GSTZ1: variants seen among roughly 807,000 people sequenced by gnomAD.
GSTZ1 encodes maleylacetoacetate isomerase.
In GSTZ1, 34 loss-of-function variants were observed where a neutral mutation model predicts 35.9. That is an observed-to-expected ratio of 0.95 (90% CI 0.72 to 1.26). The LOEUF is 1.26. GSTZ1 is among the 50% of genes most tolerant of loss of function. GSTZ1 has a pLI of 0.00. For missense variants in GSTZ1, 263 were observed against 271.7 expected, an observed-to-expected ratio of 0.97 and a Z score of 0.23; for synonymous variants, 93 against 101.2, an observed-to-expected ratio of 0.92 and a Z score of 0.49.
intron 5 of GSTZ1, 180 bp downstream of exon 5, chr14:77,328,217 C>A (rs960674002): frequency 4.6e-6 from 3 of 647,446 alleles, no homozygotes; most frequent in South Asian, 3.8e-5. Context: ...ATTCAGCCCC[C>A]CAGCGGGTCC....
intron 3 of GSTZ1, chr14:77,327,175 C>T: frequency 1.7e-6 from 1 of 593,872 alleles, no homozygotes; most frequent in South Asian, 2.0e-5. Context: ...TGGGTCCCCA[C>T]CCCATACTGG....
chr14:77,321,660 G>C (rs1038277032), intron 1 of GSTZ1: 1 of 443,294 alleles, frequency 2.3e-6, no homozygotes, highest in Non-Finnish European at 3.6e-6. Context: ...GAGGCGGGCG[G>C]ATCACAAGGT....
chr14:77,324,725 CAGAG>C, intron 1 of GSTZ1, 141 bp from the exon 2 acceptor site: 1 of 1,152,594 alleles, frequency 8.7e-7, no homozygotes, highest in African/African-American at 1.5e-5. Flanking sequence ...ATGAGCCTCT[CAGAG>C]AGCTTGGAGT....
In GSTZ1 at chr14:77,329,173, C is replaced by A. The variant is rs751418985; in HGVS notation, c.393C>A (p.Ala131=). The change falls in exon 6 of 9, where the codon GCC becomes GCA. Residue 131 remains alanine (A), a synonymous_variant. Transcript: ENST00000216465. ...GAGAGGAGATGCAGCTGACCTGGGC[C>A]CAGAACGCCATCACTTGTGGCTTTA... The part of the protein sequence containing the change: ...QVGEEMQLTW[A]QNAITCGFNA... 5.6e-6 allele frequency: 9 copies of A among 1,612,140 alleles called. No homozygotes were observed. In the South Asian group the frequency reaches 8.8e-5, roughly 16 times the overall value.
In GSTZ1 at chr14:77,324,605, A is replaced by G. The variant is rs1220965354; in HGVS notation, c.16-265A>G. ...GGAGGCTGAGGGTCACCACGATACC[A>G]TGACAGAGTCTGGCAAGGTATGGAA... is the stretch of plus-strand genomic sequence containing the variant. On this transcript the variant is annotated intron_variant, in intron 1 of 8. Coordinates refer to ENST00000216465, the MANE Select transcript of GSTZ1 (RefSeq NM_145870.3). The G allele has an allele frequency of 1.1e-4, 164 of 1,533,108 alleles. 1 individual carries two copies. The highest frequency in any genetic ancestry group is 1.4e-4 in the Non-Finnish European group (161 of 1,144,346). The allele number at this position is 1,533,108 out of a possible 1,614,324, so 95.0% of individuals were successfully genotyped here.
At chr14:77,324,724 T>A in intron 1 of GSTZ1, 146 bp from the exon 2 acceptor site, 12 of 1,149,142 alleles carry the variant, frequency 1.0e-5, no homozygotes, top group Non-Finnish European at 1.5e-5. Context: ...CATGAGCCTC[T>A]CAGAGAGCTT....
Position 77,329,779 on chromosome 14 carries a change from C to A in GSTZ1, c.446C>A (p.Thr149Lys). 1 of 1,613,914 alleles carries A rather than the reference C, an allele frequency of 6.2e-7. No homozygotes were observed. The highest frequency in any genetic ancestry group is 8.5e-7 in the Non-Finnish European group (1 of 1,179,762). ...GCCCTGGAGCAGATCCTACAGAGCA[C>A]AGCGGGCATATACTGTGTAGGAGAC... ...FNALEQILQS[T>K]AGIYCVGDEV... Residue 149 changes from threonine to lysine, a missense_variant, in exon 7 of 9, where the codon ACA (threonine) becomes AAA (lysine). Physicochemically the swap from Thr to Lys is moderately conservative, Grantham distance 78. Coordinates refer to ENST00000216465, the MANE Select transcript of GSTZ1 (RefSeq NM_145870.3).
At position 77,321,248 on chromosome 14, in the gene GSTZ1, T is replaced by C. The variant is rs1210882406; in HGVS notation, c.15+65T>C. On this transcript the variant is annotated intron_variant, in intron 1 of 8. Transcript: ENST00000216465. ...CACCTGGAGACCCTGGGGGGCGGGG[T>C]CAGAAGTGAGCTGCACCGCCCGCCC... 6 of 1,532,824 alleles carry C rather than the reference T, an allele frequency of 3.9e-6. No individual in the cohort carries two copies. The East Asian group carries it at 1.2e-4, about 32-fold the overall frequency. 95.0% of individuals were successfully genotyped at this position (1,532,824 alleles called of 1,614,324 possible). A position where few individuals can be genotyped will look rare whatever the true frequency, so the allele number is the denominator to read the frequency against.
At chr14:77,327,763 A>G in intron 4 of GSTZ1, 149 bp from the exon 5 acceptor site, 2 of 792,348 alleles carry the variant, frequency 2.5e-6, no homozygotes, top group Non-Finnish European at 2.1e-6. Context: ...AGGTCCAAAA[A>G]GGCTTATAGG....
At chr14:77,322,715 T>C (rs1270095444) in intron 1 of GSTZ1, 2 of 985,470 alleles carry the variant, frequency 2.0e-6, no homozygotes, top group Non-Finnish European at 2.4e-6. Flanking sequence ...AGGACCATCT[T>C]TACTTTCTCC....
intron 1 of GSTZ1, 44 bp downstream of exon 1, chr14:77,321,227 T>C (rs1692462461): frequency 5.0e-5 from 76 of 1,531,712 alleles, no homozygotes; most frequent in Non-Finnish European, 6.5e-5. Flanking sequence ...GTTAGACACC[T>C]GGAGACCCTG....
intron 1 of GSTZ1, among the ~76,000 whole-genome samples, chr14:77,321,756 G>T (rs955444665): frequency 3.3e-5 from 5 of 152,094 alleles, no homozygotes; most frequent in African/African-American, 1.2e-4. Context: ...GGTAGCGGGC[G>T]CCTGTAGTCC....
At position 77,327,568 on chromosome 14, in the gene GSTZ1, G is replaced by T. The variant is rs374627178; in HGVS notation, c.216+16G>T. ...TCACCAGTCAGTGAGTGCAGGGCCT[G>T]GGGGAGGGCCCTCATGAGAGCAGTG... On this transcript the variant is annotated intron_variant, in intron 4 of 8. Coordinates refer to ENST00000216465, the MANE Select transcript of GSTZ1 (RefSeq NM_145870.3). 6 of 1,540,726 alleles carry T rather than the reference G, an allele frequency of 3.9e-6. No individual in the cohort carries two copies. The African/African-American group carries it at 5.4e-5, about 14-fold the overall frequency.
At chr14:77,324,629 A>G in intron 1 of GSTZ1, 1 of 1,527,808 alleles carries the variant, frequency 6.5e-7, no homozygotes, top group Non-Finnish European at 8.8e-7. Context: ...CAAGGTATGG[A>G]AGGCACTCTC....
intron 8 of GSTZ1, 61 bp from the exon 9 acceptor site, chr14:77,331,008 A>C: frequency 6.5e-7 from 1 of 1,542,598 alleles, no homozygotes; most frequent in Non-Finnish European, 8.9e-7. Context: ...CCCCTGCTGC[A>C]TCAGGGCAGT....
In GSTZ1 at chr14:77,327,834, G is replaced by A. The variant is rs188787393; in HGVS notation, c.217-78G>A. ...AGTGATGGTGCTGGAAGAGGAGAAG[G>A]AGGAGTTTGCTGGCCCTGTCCCCTC... On this transcript the variant is annotated intron_variant, in intron 4 of 8. Coordinates refer to ENST00000216465, the MANE Select transcript of GSTZ1 (RefSeq NM_145870.3). 259 of 1,375,826 alleles carry A rather than the reference G, an allele frequency of 1.9e-4. 2 individuals are homozygous for A. In the African/African-American group the frequency reaches 3.2e-3, roughly 17 times the overall value. 85.2% of individuals were successfully genotyped at this position (1,375,826 alleles called of 1,614,324 possible). A position where few individuals can be genotyped will look rare whatever the true frequency, so the allele number is the denominator to read the frequency against.
rs140689680 is a variant in GSTZ1 at position 77,331,160 on chromosome 14, C to T, written c.616C>T (p.Arg206Trp). Reference sequence around the variant, plus strand: ...GGCCTTCCAGGTGTCTCACCCCTGCCGGCAGCCAGATACACCCACTGAGCT... The same window carrying T: ...GGCCTTCCAGGTGTCTCACCCCTGCTGGCAGCCAGATACACCCACTGAGCT... ...LEAFQVSHPCRQPDTPTELRA is the reference protein window; with the variant it reads ...LEAFQVSHPCWQPDTPTELRA Residue 206 changes from arginine (R) to tryptophan (W), a missense_variant, in exon 9 of 9, where the codon CGG becomes TGG. By Grantham distance (101) the Arg-to-Trp change is moderately radical. Transcript: ENST00000216465. The T allele has an allele frequency of 1.6e-5, 26 of 1,613,974 alleles. No homozygotes were observed. In the African/African-American group the frequency reaches 1.9e-4, roughly 12 times the overall value.
At chr14:77,324,776 A>C (rs763356822) in intron 1 of GSTZ1, 94 bp from the exon 2 acceptor site, 24 of 1,291,200 alleles carry the variant, frequency 1.9e-5, no homozygotes, top group Non-Finnish European at 2.7e-5. Context: ...CTGAGAGAGG[A>C]GGCCTGGCAG....
chr14:77,322,546 GT>G, intron 1 of GSTZ1: 1 of 972,128 alleles, frequency 1.0e-6, no homozygotes, highest in Admixed American at 6.1e-5. Context: ...CCACACTCTA[GT>G]GGTCACCAGC....
Sources: gnomAD v4.1 joint callset for allele counts (sites outside exome capture counted in the v4.1 genomes callset) on GRCh38, gnomAD v4.1.1 for gene constraint, MANE v1.5 for transcripts, NCBI Gene and HGNC (gene_info 2026-07-23, HGNC 2026-07-21) for gene names.